The following SGCZ variants were observed in gnomAD, a reference collection of about 807,000 sequenced individuals.
SGCZ encodes zeta-sarcoglycan.
Under a neutral mutation model 41.3 loss-of-function variants are expected in SGCZ, and 40 were observed. The ratio of observed to expected loss-of-function variants is 0.97; its 90% CI spans 0.75 to 1.26. The LOEUF (loss-of-function observed/expected upper bound fraction) is 1.26. SGCZ is among the 50% of genes most tolerant of loss of function. The pLI, the probability that SGCZ is intolerant of heterozygous loss-of-function variation, is 0.00. For missense variants in SGCZ, 552 were observed against 369.8 expected (o/e 1.49, Z -4.04); for synonymous variants, 206 against 137.5 (o/e 1.50, Z -3.49).
chr8:14,623,174 A>G (rs1468664993), intron 1 of SGCZ, among the ~76,000 whole-genome samples: 1 of 152,224 alleles, frequency 6.6e-6, no homozygotes, highest in Non-Finnish European at 1.5e-5. Context: ...ATCGGAAGGC[A>G]TAATAACGAA....
chr8:14,300,237 C>T (rs941241733), intron 3 of SGCZ, among the ~76,000 whole-genome samples: 2 of 149,456 alleles, frequency 1.3e-5, no homozygotes, highest in Non-Finnish European at 3.0e-5. Flanking sequence ...AATTCTACAG[C>T]TAAATACAGG....
intron 1 of SGCZ, among the ~76,000 whole-genome samples, chr8:15,067,155 T>A (rs1200189089): frequency 6.6e-6 from 1 of 152,214 alleles, no homozygotes; most frequent in East Asian, 1.9e-4. Context: ...CAATTTTGTA[T>A]AATCTCCAGT....
chr8:14,302,311 T>C (rs1441597968), intron 3 of SGCZ, among the ~76,000 whole-genome samples: 1 of 152,214 alleles, frequency 6.6e-6, no homozygotes, highest in African/African-American at 2.4e-5. Context: ...GAACACGTAA[T>C]CTTGACTAAT....
chr8:14,508,945 A>G (rs548610661), intron 2 of SGCZ, among the ~76,000 whole-genome samples: 1 of 152,306 alleles, frequency 6.6e-6, no homozygotes, highest in East Asian at 1.9e-4. Flanking sequence ...CAAACATCAA[A>G]ATATGTAGTA....
intron 1 of SGCZ, among the ~76,000 whole-genome samples, chr8:14,825,658 GC>G (rs1802279942): frequency 6.6e-6 from 1 of 152,082 alleles, no homozygotes; most frequent in Non-Finnish European, 1.5e-5. Context: ...AACGGAACTT[GC>G]TTATCTTACA....
chr8:14,198,694 G>A (rs1805357395), intron 4 of SGCZ, among the ~76,000 whole-genome samples: 1 of 152,142 alleles, frequency 6.6e-6, no homozygotes, highest in Non-Finnish European at 1.5e-5. Context: ...CGTGAAGTCA[G>A]GGACCACAAA....
chr8:14,139,984 A>T (rs1033922433), intron 5 of SGCZ, among the ~76,000 whole-genome samples: 3 of 152,194 alleles, frequency 2.0e-5, no homozygotes, highest in Non-Finnish European at 4.4e-5. Flanking sequence ...AAGCTTAGCC[A>T]CCAAGATCAA....
At chr8:14,203,165 A>G (rs1308400181) in intron 4 of SGCZ, among the ~76,000 whole-genome samples, 1 of 152,198 alleles carries the variant, frequency 6.6e-6, no homozygotes, top group Non-Finnish European at 1.5e-5. Flanking sequence ...GCCCAGTCCC[A>G]GATATGTTTT....
Position 14,595,151 on chromosome 8 carries a change from C to A in SGCZ, c.40-40225G>T, listed in dbSNP as rs1407646657. On this transcript the variant is annotated intron_variant, in intron 1 of 7. Transcript: ENST00000382080. ...ACAAATGAAACTGGAATTAGTTCTA[C>A]CCTTTCAAGTGTCCCCCTAGACTAT... Among the ~76,000 whole-genome samples the A allele has an allele frequency of 2.0e-5, 3 of 152,228 alleles. No homozygotes were observed. The East Asian group carries it at 5.8e-4, about 29-fold the overall frequency.
At chr8:14,829,687 C>G (rs1585299500) in intron 1 of SGCZ, among the ~76,000 whole-genome samples, 3 of 151,986 alleles carry the variant, frequency 2.0e-5, no homozygotes, top group African/African-American at 7.2e-5. Context: ...TTTCTTACGT[C>G]TTTTCTTACA....
intron 2 of SGCZ, among the ~76,000 whole-genome samples, chr8:14,485,406 T>C (rs1410015031): frequency 6.6e-6 from 1 of 152,070 alleles, no homozygotes; most frequent in Non-Finnish European, 1.5e-5. Context: ...CAGGCTAATT[T>C]TTTGTGTTTT....
chr8:15,225,134 A>C (rs1801726304), intron 1 of SGCZ, among the ~76,000 whole-genome samples: 3 of 152,174 alleles, frequency 2.0e-5, no homozygotes, highest in African/African-American at 7.2e-5. Flanking sequence ...GAAAACATAC[A>C]CACTCTTTTC....
intron 1 of SGCZ, among the ~76,000 whole-genome samples, chr8:15,224,582 A>G (rs967102747): frequency 6.6e-6 from 1 of 152,226 alleles, no homozygotes; most frequent in Non-Finnish European, 1.5e-5. Flanking sequence ...ATAAAACCCA[A>G]TATATTAGAT....
intron 4 of SGCZ, among the ~76,000 whole-genome samples, chr8:14,194,343 C>T (rs956308816): frequency 2.6e-5 from 4 of 151,864 alleles, no homozygotes; most frequent in Admixed American, 6.6e-5. Flanking sequence ...CAGAGTAAGT[C>T]ACCCCAGCTA....
At chr8:14,672,047 C>T (rs1585170775) in intron 1 of SGCZ, among the ~76,000 whole-genome samples, 2 of 151,986 alleles carry the variant, frequency 1.3e-5, no homozygotes. Flanking sequence ...GCTACCGACC[C>T]AGAAGTTATT....
chr8:14,258,138 G>C (rs1799530052), intron 3 of SGCZ, among the ~76,000 whole-genome samples: 1 of 152,048 alleles, frequency 6.6e-6, no homozygotes, highest in African/African-American at 2.4e-5. Flanking sequence ...TTATGTTTTG[G>C]AAGTATTATA....
chr8:14,766,969 T>G (rs1800056289), intron 1 of SGCZ, among the ~76,000 whole-genome samples: 1 of 152,178 alleles, frequency 6.6e-6, no homozygotes, highest in Non-Finnish European at 1.5e-5. Flanking sequence ...CTAAATGTTT[T>G]GAAAAACATA....
chr8:14,640,666 G>C (rs547117761), intron 1 of SGCZ, among the ~76,000 whole-genome samples: 2 of 151,152 alleles, frequency 1.3e-5, no homozygotes, highest in Non-Finnish European at 3.0e-5. Flanking sequence ...GTGTGTGTGT[G>C]TGTGTGTATA....
intron 5 of SGCZ, among the ~76,000 whole-genome samples, chr8:14,113,000 C>T (rs552396698): frequency 3.3e-5 from 5 of 152,010 alleles, no homozygotes; most frequent in East Asian, 1.9e-4. Context: ...TATTACCTCT[C>T]GAAAGAAGAA....
Sources: allele counts gnomAD v4.1 joint callset (sites outside exome capture counted in the v4.1 genomes callset), GRCh38; gene constraint gnomAD v4.1.1; transcripts MANE v1.5; gene names NCBI Gene and HGNC (gene_info 2026-07-23, HGNC 2026-07-21).